Variants in CRB1 observed in about 807,000 individuals in gnomAD.
CRB1 encodes the protein crumbs cell polarity complex component 1, also known as protein crumbs homolog 1.
A neutral mutation model predicts 120.0 loss-of-function variants in CRB1; 83 were observed. The observed-to-expected ratio is 0.69, with a 90% CI of 0.58 to 0.83. The LOEUF is 0.83. CRB1 is among the 40% of genes least tolerant of loss of function. CRB1 has a pLI of 0.00. For missense variants in CRB1, 1,699 were observed against 1,687.6 expected (o/e 1.01, Z -0.12); for synonymous variants, 625 against 612.5 (o/e 1.02, Z -0.30).
In CRB1 at chr1:197,341,063, C is replaced by T. The variant is rs531492777; in HGVS notation, c.653-3218C>T. On this transcript the variant is annotated intron_variant, in intron 2 of 11. Transcript: ENST00000367400. ...ATCTTGTGAGACTTATTCACTATCACAAGAACAGCACAGGAAAGACCTGCC... is the reference window on the plus strand; with the variant it reads ...ATCTTGTGAGACTTATTCACTATCATAAGAACAGCACAGGAAAGACCTGCC... Among the ~76,000 whole-genome samples, 70 of 152,204 alleles carry T rather than the reference C, an allele frequency of 4.6e-4. 1 individual carries two copies. Among genetic ancestry groups the T allele is most frequent in the Admixed American group, 1.4e-3 (22 of 15,292 alleles).
chr1:197,424,759 G>A (rs866796990), intron 6 of CRB1, among the ~76,000 whole-genome samples: 35 of 152,244 alleles, frequency 2.3e-4, no homozygotes, highest in African/African-American at 7.2e-4. Context: ...AGATCGAAGT[G>A]GCTCTTATTT....
chr1:197,453,498 ATATGTGTATATATATGTGTGTGTGTG>A (rs1243598100), intron 11 of CRB1, among the ~76,000 whole-genome samples: 11 of 145,262 alleles, frequency 7.6e-5, no homozygotes, highest in Non-Finnish European at 1.5e-4. Context: ...GTGTGTATAT[ATATGTGTATATATATGTGTGTGTGTG>A]TATATATATA....
chr1:197,459,568 TC>T (rs2125545076), intron 11 of CRB1, among the ~76,000 whole-genome samples: 1 of 152,192 alleles, frequency 6.6e-6, no homozygotes, highest in African/African-American at 2.4e-5. Flanking sequence ...AGGTCACCAA[TC>T]CCATTCATGA....
chr1:197,477,069 G>C (rs1043151969), intron 11 of CRB1, among the ~76,000 whole-genome samples: 1 of 152,196 alleles, frequency 6.6e-6, no homozygotes, highest in Non-Finnish European at 1.5e-5. Flanking sequence ...TGGATTCAGC[G>C]TTAAGCACAT....
intron 2 of CRB1, among the ~76,000 whole-genome samples, chr1:197,330,427 T>G (rs1325473809): frequency 6.6e-6 from 1 of 152,184 alleles, no homozygotes; most frequent in Non-Finnish European, 1.5e-5. Context: ...ACACAGAGAA[T>G]AATTTTAGCC....
intron 11 of CRB1, among the ~76,000 whole-genome samples, chr1:197,448,596 C>T (rs1665812360): frequency 6.6e-6 from 1 of 152,228 alleles, no homozygotes. Flanking sequence ...CACAGCTCTT[C>T]CCTTACGTGC....
At position 197,421,515 on chromosome 1, in the gene CRB1, A is replaced by C; in HGVS notation, c.1687A>C (p.Ser563Arg). The C allele has an allele frequency of 6.2e-7, 1 of 1,614,212 alleles. No homozygotes were observed. The highest frequency in any genetic ancestry group is 8.5e-7 in the Non-Finnish European group (1 of 1,180,024). ...GCTTCTGTTCATTTCCCACAACACCAGCGATGGAGAGTGGCATTTCGTGGA... is the reference window on the plus strand; with the variant it reads ...GCTTCTGTTCATTTCCCACAACACCCGCGATGGAGAGTGGCATTTCGTGGA... ...KVLLFISHNT[S>R]DGEWHFVEVI... The change falls in exon 6 of 12, where the codon AGC (serine) becomes CGC (arginine). Residue 563 changes from serine (S) to arginine (R), a missense_variant. Transcript: ENST00000367400.
chr1:197,360,111 T>A (rs1660694666), intron 5 of CRB1, among the ~76,000 whole-genome samples: 1 of 152,152 alleles, frequency 6.6e-6, no homozygotes, highest in Non-Finnish European at 1.5e-5. Flanking sequence ...GGCAGTATTG[T>A]GCATGTGGCC....
rs1458942926 is a variant in CRB1, at chr1:197,426,096, T to A, written c.2129-1358T>A. The stretch of plus-strand genomic sequence containing the variant: ...TCACCCAAAAATCTTTTCCTCCAGT[T>A]TTCTTCCGTATCTCTGCAAATAGAA... On this transcript the variant is annotated intron_variant, in intron 6 of 11. Transcript: ENST00000367400. Among the ~76,000 whole-genome samples the A allele has an allele frequency of 3.3e-5, 5 of 152,036 alleles. No individual in the cohort carries two copies. The East Asian group carries it at 5.8e-4, about 18-fold the overall frequency.
chr1:197,231,121 A>G, the CRB1 span, among the ~76,000 whole-genome samples: 1 of 152,186 alleles, frequency 6.6e-6, no homozygotes, highest in Non-Finnish European at 1.5e-5. Context: ...TTGTATGAAG[A>G]CAAGAACAGA....
chr1:197,290,966 A>C (rs1656141038), intron 1 of CRB1, among the ~76,000 whole-genome samples: 1 of 151,820 alleles, frequency 6.6e-6, no homozygotes, highest in Non-Finnish European at 1.5e-5. Context: ...TTTCTTTAAA[A>C]TAAATGGCTT....
In CRB1 at chr1:197,427,547, TG is replaced by T; in HGVS notation, c.2223del (p.Met741IlefsTer13). 1 of 1,614,040 alleles carries T rather than the reference TG, an allele frequency of 6.2e-7. No homozygotes were observed. The highest frequency in any genetic ancestry group is 1.7e-5 in the Admixed American group (1 of 59,984). On this transcript the variant is annotated frameshift_variant, in exon 7 of 12. Transcript: ENST00000367400. LOFTEE classifies it high-confidence loss of function. ...TATGGAGACACCATCAGCCTCTCCA[TG>T]TTTGTCCGAACGCTTCAACCATCAG... ...ESYGDTISLS[M>X]FVRTLQPSGL...
At chr1:197,247,705 A>G in the CRB1 span, among the ~76,000 whole-genome samples, 6 of 152,096 alleles carry the variant, frequency 3.9e-5, no homozygotes, top group African/African-American at 1.4e-4. Context: ...CATCAAAAGT[A>G]AGCAGAACTG....
rs191748971 is a variant in CRB1, at chr1:197,472,917, T to C, written c.4006-4747T>C. Among the ~76,000 whole-genome samples, 62 of 152,330 alleles carry C rather than the reference T, an allele frequency of 4.1e-4. 2 individuals are homozygous for C. The highest frequency in any genetic ancestry group is 1.4e-3 in the African/African-American group (60 of 41,580). On this transcript the variant is annotated intron_variant, in intron 11 of 11. Transcript: ENST00000367400. The stretch of plus-strand genomic sequence containing the variant: ...GAGTAATCACATGGATCAAAGTTCT[T>C]GTCCTGTGCGTATGTCCTATGAGAA...
intron 3 of CRB1, among the ~76,000 whole-genome samples, chr1:197,344,892 G>A (rs923064990): frequency 1.3e-5 from 2 of 152,142 alleles, no homozygotes; most frequent in Non-Finnish European, 2.9e-5. Flanking sequence ...GTTGGAAAAG[G>A]CAGTGATATT....
chr1:197,423,922 T>C (rs1257112572), intron 6 of CRB1, among the ~76,000 whole-genome samples: 1 of 152,166 alleles, frequency 6.6e-6, no homozygotes, highest in East Asian at 1.9e-4. Flanking sequence ...CACAGAAGTG[T>C]CCATAAGGTT....
the CRB1 span, among the ~76,000 whole-genome samples, chr1:197,236,644 A>G: frequency 6.6e-6 from 1 of 152,270 alleles, no homozygotes; most frequent in Non-Finnish European, 1.5e-5. Flanking sequence ...AAATAATGCT[A>G]GCTGTGGGGT....
At chr1:197,202,764 T>A in the CRB1 span, among the ~76,000 whole-genome samples, 3 of 152,172 alleles carry the variant, frequency 2.0e-5, no homozygotes, top group Admixed American at 2.0e-4. Flanking sequence ...GTTTAGAAAC[T>A]TTTGGAAAGA....
chr1:197,476,352 TTATG>T (rs1201133223), intron 11 of CRB1, among the ~76,000 whole-genome samples: 1 of 145,860 alleles, frequency 6.9e-6, no homozygotes, highest in Admixed American at 7.2e-5. Flanking sequence ...CTGTAATGTA[TTATG>T]ATTATTTGTG....
Sources: allele counts gnomAD v4.1 joint callset (sites outside exome capture counted in the v4.1 genomes callset), GRCh38; gene constraint gnomAD v4.1.1; transcripts MANE v1.5; gene names NCBI Gene and HGNC (gene_info 2026-07-23, HGNC 2026-07-21).